Variants in DARS1 observed in about 807,000 individuals in gnomAD.
DARS1 encodes aspartyl-tRNA synthetase 1, also known as aspartate--tRNA ligase, cytoplasmic.
Under a neutral mutation model 68.8 loss-of-function variants are expected in DARS1, and 51 were observed. The observed-to-expected ratio is 0.74, with a 90% CI of 0.59 to 0.94. DARS1 has a LOEUF of 0.94. Among genes scored for constraint, DARS1 ranks in the 40% least tolerant of loss-of-function variants. The pLI, the probability that DARS1 is intolerant of heterozygous loss-of-function variation, is 0.00. For synonymous variants in DARS1, 203 were observed against 190.4 expected (o/e 1.07, Z -0.55); for missense variants, 607 against 597.3 (o/e 1.02, Z -0.17).
chr2:135,935,461 G>A (rs1026406093), intron 5 of DARS1, among the ~76,000 whole-genome samples: 1 of 151,918 alleles, frequency 6.6e-6, no homozygotes, highest in Non-Finnish European at 1.5e-5. Flanking sequence ...TTAGTGGGGC[G>A]TGGTGGCAGG....
At chr2:135,910,542 C>T (rs908739578) in intron 15 of DARS1, among the ~76,000 whole-genome samples, 1 of 152,032 alleles carries the variant, frequency 6.6e-6, no homozygotes, top group African/African-American at 2.4e-5. Context: ...CAATCTTCTG[C>T]AAATGGACAT....
chr2:135,920,736 T>G, intron 9 of DARS1, 136 bp from the exon 10 acceptor site: 2 of 1,151,614 alleles, frequency 1.7e-6, no homozygotes, highest in Non-Finnish European at 2.3e-6. Context: ...GGACCTCTGA[T>G]GAACCATCTG....
intron 5 of DARS1, among the ~76,000 whole-genome samples, chr2:135,941,298 G>A (rs1200478151): frequency 6.6e-6 from 1 of 152,120 alleles, no homozygotes; most frequent in Non-Finnish European, 1.5e-5. Flanking sequence ...GCATGGTACT[G>A]GTACCAAAAC....
At chr2:135,923,244 CA>C (rs1166661547) in intron 8 of DARS1, among the ~76,000 whole-genome samples, 1 of 151,952 alleles carries the variant, frequency 6.6e-6, no homozygotes, top group Admixed American at 6.6e-5. Flanking sequence ...TATTCTTCAT[CA>C]TTTTTCCTCT....
Position 135,924,460 on chromosome 2 carries a change from G to A in DARS1, c.603C>T (p.Gly201=). Residue 201 remains glycine, a synonymous_variant, in exon 8 of 16, where the codon GGC becomes GGT. Coordinates refer to ENST00000264161, the MANE Select transcript of DARS1 (RefSeq NM_001349.4). ...AAGTTTCTCGGAAGAGATGGCAGATGCCAGACTGGAGACGGAAGACTGCCT... is the reference window on the plus strand; with the variant it reads ...AAGTTTCTCGGAAGAGATGGCAGATACCAGACTGGAGACGGAAGACTGCCT... ...TSQAVFRLQS[G]ICHLFRETLI... The A allele has an allele frequency of 6.2e-7, 1 of 1,609,646 alleles. No individual in the cohort carries two copies. The highest frequency in any genetic ancestry group is 8.5e-7 in the Non-Finnish European group (1 of 1,178,848).
Position 135,983,434 on chromosome 2 carries a change from A to T in DARS1, c.87T>A (p.Tyr29Ter). The change falls in exon 2 of 16, where the codon TAT (tyrosine) becomes TAA (stop). Residue 29 changes from tyrosine (Y) to a stop codon, truncating the protein, a stop_gained. Coordinates refer to ENST00000264161, the MANE Select transcript of DARS1 (RefSeq NM_001349.4). LOFTEE classifies it high-confidence loss of function. Reference sequence around the variant, plus strand: ...GTGATTGTATCATTGAAGATATTCCATATCTCTCTTTAGCATAATCCTACA... The same window carrying T: ...GTGATTGTATCATTGAAGATATTCCTTATCTCTCTTTAGCATAATCCTACA... ...DAAEDYAKER[Y>*]GISSMIQSQE... is the part of the protein sequence containing the mutation. 1 of 1,218,478 alleles carries T rather than the reference A, an allele frequency of 8.2e-7. No individual in the cohort carries two copies. Among genetic ancestry groups the T allele is most frequent in the Non-Finnish European group, 1.2e-6 (1 of 826,306 alleles). 75.5% of individuals were successfully genotyped at this position (1,218,478 alleles called of 1,614,324 possible).
At position 135,907,020 on chromosome 2, in the gene DARS1, C is replaced by T; in HGVS notation, c.*296G>A. 5.3e-6 allele frequency: 1 copy of T among 189,848 alleles called. No individual in the cohort carries two copies. The highest frequency in any genetic ancestry group is 1.3e-4 in the South Asian group (1 of 7,986). 11.8% of individuals were successfully genotyped at this position (189,848 alleles called of 1,614,324 possible). ...AAACTCTTAACGTTTACTGTAGTAACAGAATATGAATTTGTAACATAACCA... is the reference window on the plus strand; with the variant it reads ...AAACTCTTAACGTTTACTGTAGTAATAGAATATGAATTTGTAACATAACCA... On this transcript the variant is annotated 3_prime_UTR_variant, in exon 16 of 16. Transcript: ENST00000264161.
At chr2:135,945,748 A>G (rs1681707089) in intron 4 of DARS1, among the ~76,000 whole-genome samples, 1 of 152,188 alleles carries the variant, frequency 6.6e-6, no homozygotes, top group African/African-American at 2.4e-5. Flanking sequence ...TGAAACCACA[A>G]ACTATTTCTT....
At chr2:135,919,589 C>T (rs1681073723) in intron 10 of DARS1, among the ~76,000 whole-genome samples, 1 of 152,150 alleles carries the variant, frequency 6.6e-6, no homozygotes, top group Non-Finnish European at 1.5e-5. Context: ...CTTTCTTAAT[C>T]AACTTGACTC....
At chr2:135,944,347 G>A (rs1681670803) in intron 4 of DARS1, among the ~76,000 whole-genome samples, 1 of 152,050 alleles carries the variant, frequency 6.6e-6, no homozygotes, top group African/African-American at 2.4e-5. Flanking sequence ...TAATTTTCAT[G>A]GAAAAATTCT....
At chr2:135,934,288 G>C (rs534904196) in intron 5 of DARS1, among the ~76,000 whole-genome samples, 5 of 152,128 alleles carry the variant, frequency 3.3e-5, no homozygotes, top group Non-Finnish European at 5.9e-5. Context: ...AGTAATGACT[G>C]GGGTGTAGGC....
intron 10 of DARS1, among the ~76,000 whole-genome samples, chr2:135,916,822 A>G (rs1459940775): frequency 6.6e-6 from 1 of 152,134 alleles, no homozygotes; most frequent in African/African-American, 2.4e-5. Flanking sequence ...CCTACCCTAT[A>G]TATATAGAAG....
At chr2:135,917,074 T>C (rs934735794) in intron 10 of DARS1, among the ~76,000 whole-genome samples, 27 of 151,886 alleles carry the variant, frequency 1.8e-4, no homozygotes, top group African/African-American at 6.3e-4. Context: ...GGCAGGAGAA[T>C]TGTTTGGGCC....
At chr2:135,944,943 G>A (rs1047736493) in intron 4 of DARS1, among the ~76,000 whole-genome samples, 11 of 152,100 alleles carry the variant, frequency 7.2e-5, no homozygotes, top group Non-Finnish European at 1.6e-4. Context: ...ATCGATCAAT[G>A]TACTGCTTCA....
chr2:135,907,242 C>CTTTCTTTTTT lies in DARS1; in HGVS notation c.*73_*74insAAAAAAGAAA, dbSNP rs1182305580. On this transcript the variant is annotated 3_prime_UTR_variant, in exon 16 of 16. Transcript: ENST00000264161. The stretch of plus-strand genomic sequence containing the variant: ...TACTGAAAAGAATAAGTGTGGCTTT[C>CTTTCTTTTTT]TTTTTTTTTTTTTTTTTTTGAGGCA... The CTTTCTTTTTT allele has an allele frequency of 2.6e-5, 11 of 423,204 alleles. No individual in the cohort carries two copies. The African/African-American group carries it at 3.1e-4, about 12-fold the overall frequency. 26.2% of individuals were successfully genotyped at this position (423,204 alleles called of 1,614,324 possible). A position where few individuals can be genotyped will look rare whatever the true frequency, so the allele number is the denominator to read the frequency against.
At chr2:135,942,008 G>T (rs1225908701) in intron 5 of DARS1, among the ~76,000 whole-genome samples, 1 of 152,152 alleles carries the variant, frequency 6.6e-6, no homozygotes, top group Admixed American at 6.5e-5. Context: ...GAAACAACAG[G>T]TGCTGGAGAG....
At chr2:135,983,050 A>G (rs1682673423) in intron 2 of DARS1, among the ~76,000 whole-genome samples, 1 of 152,356 alleles carries the variant, frequency 6.6e-6, no homozygotes, top group Non-Finnish European at 1.5e-5. Context: ...TAAAGCATGC[A>G]AAAAGGCTAC....
At chr2:135,943,348 T>G (rs768848315) in intron 5 of DARS1, 30 bp downstream of exon 5, 2 of 1,600,260 alleles carry the variant, frequency 1.2e-6, no homozygotes, top group South Asian at 2.2e-5. Context: ...TCTATTTCTA[T>G]ATGCGATTTT....
chr2:135,983,762 T>C (rs1682695353), intron 1 of DARS1, among the ~76,000 whole-genome samples: 1 of 152,236 alleles, frequency 6.6e-6, no homozygotes, highest in Admixed American at 6.5e-5. Context: ...AACTACCTTC[T>C]TCAAAAAGAT....
Sources: gnomAD v4.1 joint callset for allele counts (sites outside exome capture counted in the v4.1 genomes callset) on GRCh38, gnomAD v4.1.1 for gene constraint, MANE v1.5 for transcripts, NCBI Gene and HGNC (gene_info 2026-07-23, HGNC 2026-07-21) for gene names.